STAT4: variants seen among roughly 807,000 people sequenced by gnomAD.
STAT4 encodes signal transducer and activator of transcription 4.
Under a neutral mutation model 110.5 loss-of-function variants are expected in STAT4, and 42 were observed. The ratio of observed to expected loss-of-function variants is 0.38; its 90% CI spans 0.30 to 0.49. The LOEUF (loss-of-function observed/expected upper bound fraction) is 0.49. Ranked by LOEUF, STAT4 falls within the 20% of genes least tolerant of loss-of-function variation. The pLI, the probability that STAT4 is intolerant of heterozygous loss-of-function variation, is 0.95. For synonymous variants in STAT4, 284 were observed against 302.2 expected (o/e 0.94, Z 0.63); for missense variants, 632 against 887.9 (o/e 0.71, Z 3.66).
chr2:191,092,513 TA>T (rs71030322), intron 3 of STAT4, among the ~76,000 whole-genome samples: 16,857 of 142,600 alleles, frequency 0.12, 1,023 homozygotes, highest in African/African-American at 0.19. Flanking sequence ...GTGCTACAGT[TA>T]AAAAAAAAAA....
In STAT4 at chr2:191,033,233, T is replaced by C. The variant is rs1410915138; in HGVS notation, c.1853-84A>G. On this transcript the variant is annotated intron_variant, in intron 20 of 23. Transcript: ENST00000392320. This position sits in a 1 kb window ranked among gnomAD's most constrained non-coding sequence, Gnocchi z 6.9. ...TTCTTCCCTGCCCACATTATCTTCATGCCACTGGAGTGACTTGTCAGTTCA... is the reference window on the plus strand; with the variant it reads ...TTCTTCCCTGCCCACATTATCTTCACGCCACTGGAGTGACTTGTCAGTTCA... The C allele has an allele frequency of 7.1e-7, 1 of 1,400,228 alleles. No individual in the cohort carries two copies. The highest frequency in any genetic ancestry group is 9.8e-7 in the Non-Finnish European group (1 of 1,023,714). The allele number at this position is 1,400,228 out of a possible 1,614,324, so 86.7% of individuals were successfully genotyped here.
intron 3 of STAT4, among the ~76,000 whole-genome samples, chr2:191,134,009 C>T (rs551491905): frequency 2.1e-4 from 32 of 152,312 alleles, no homozygotes; most frequent in East Asian, 9.7e-4. Context: ...AAGAAGGCCA[C>T]GGCCTATATG....
In STAT4 at chr2:191,142,043, T is replaced by C. The variant is rs1488317962; in HGVS notation, c.273+4570A>G. ...CTCAAAAAACTAAAAATATAACTACTATAGGCTCCAGCAATCCCACTACTA... is the reference window on the plus strand; with the variant it reads ...CTCAAAAAACTAAAAATATAACTACCATAGGCTCCAGCAATCCCACTACTA... On this transcript the variant is annotated intron_variant, in intron 3 of 23. Coordinates refer to ENST00000392320, the MANE Select transcript of STAT4 (RefSeq NM_003151.4). The surrounding 1 kb of genome is among the most constrained non-coding windows in gnomAD (Gnocchi z 4.1). Among the ~76,000 whole-genome samples, 1 of 152,006 alleles carries C rather than the reference T, an allele frequency of 6.6e-6. No individual in the cohort carries two copies. The highest frequency in any genetic ancestry group is 1.5e-5 in the Non-Finnish European group (1 of 67,986).
Position 191,051,690 on chromosome 2 carries a change from G to A in STAT4, c.1251+2800C>T, listed in dbSNP as rs1696527656. Among the ~76,000 whole-genome samples the A allele has an allele frequency of 2.6e-5, 4 of 152,228 alleles. No homozygotes were observed. The South Asian group carries it at 8.3e-4, about 32-fold the overall frequency. ...CACTCTGTGAGATAGATGGGGTGAG[G>A]TGACGGGGCAGTAGGAGTGCCAACC... On this transcript the variant is annotated intron_variant, in intron 14 of 23. Coordinates refer to ENST00000392320, the MANE Select transcript of STAT4 (RefSeq NM_003151.4). This position sits in a 1 kb window ranked among gnomAD's most constrained non-coding sequence, Gnocchi z 5.6.
At position 191,104,033 on chromosome 2, in the gene STAT4, G is replaced by T. The variant is rs1698212433; in HGVS notation, c.274-27708C>A. On this transcript the variant is annotated intron_variant, in intron 3 of 23. Coordinates refer to ENST00000392320, the MANE Select transcript of STAT4 (RefSeq NM_003151.4). This position sits in a 1 kb window ranked among gnomAD's most constrained non-coding sequence, Gnocchi z 4.3. ...GAGTAATAGGTTGCTAAGTGTTCTA[G>T]GTATCAAGGCCTTTGTGATAGCTTT... 6.6e-6 allele frequency among the ~76,000 whole-genome samples: 1 copy of T among 152,018 alleles called. No homozygotes were observed. The highest frequency in any genetic ancestry group is 2.4e-5 in the African/African-American group (1 of 41,390).
At chr2:191,095,646 T>C (rs1574150434) in intron 3 of STAT4, among the ~76,000 whole-genome samples, 1 of 152,110 alleles carries the variant, frequency 6.6e-6, no homozygotes, top group East Asian at 1.9e-4. Context: ...CACTAAATGC[T>C]CACAAGATAA....
intron 14 of STAT4, among the ~76,000 whole-genome samples, chr2:191,047,788 C>T (rs1274978361): frequency 1.3e-5 from 2 of 152,208 alleles, no homozygotes; most frequent in Non-Finnish European, 2.9e-5. Context: ...GCCTCAGCCT[C>T]CTGAGTAGCT....
In STAT4 at chr2:191,030,847, T is replaced by C. The variant is rs1574689117; in HGVS notation, c.2220+125A>G. 1 of 832,736 alleles carries C rather than the reference T, an allele frequency of 1.2e-6. No homozygotes were observed. The highest frequency in any genetic ancestry group is 1.6e-5 in the South Asian group (1 of 63,548). 51.6% of individuals were successfully genotyped at this position (832,736 alleles called of 1,614,324 possible). A position where few individuals can be genotyped will look rare whatever the true frequency, so the allele number is the denominator to read the frequency against. On this transcript the variant is annotated intron_variant, in intron 23 of 23. Transcript: ENST00000392320. The surrounding 1 kb of genome is among the most constrained non-coding windows in gnomAD (Gnocchi z 4.4). ...CCAGACACCTTTTGTGTTATGCTCA[T>C]GAATTTGTTCCAATAAATGTGTTTT...
At chr2:191,070,647 A>G (rs1382496636) in intron 5 of STAT4, among the ~76,000 whole-genome samples, 2 of 152,220 alleles carry the variant, frequency 1.3e-5, no homozygotes, top group African/African-American at 2.4e-5. Flanking sequence ...CTCTAAGGAA[A>G]CATATATCTA....
rs1695895971 is a variant in STAT4, at chr2:191,031,584, A to G, written c.2045-68T>C. 1.5e-6 allele frequency: 2 copies of G among 1,297,334 alleles called. No homozygotes were observed. The highest frequency in any genetic ancestry group is 1.3e-5 in the South Asian group (1 of 79,168). 80.4% of individuals were successfully genotyped at this position (1,297,334 alleles called of 1,614,324 possible). On this transcript the variant is annotated intron_variant, in intron 21 of 23. Coordinates refer to ENST00000392320, the MANE Select transcript of STAT4 (RefSeq NM_003151.4). The surrounding 1 kb of genome is among the most constrained non-coding windows in gnomAD (Gnocchi z 4.8). Reference sequence around the variant, plus strand: ...TATTATCAATAAAACTGGGGAAAAAAGAGTCTAGAAAAATATTAACAATGA... The same window carrying G: ...TATTATCAATAAAACTGGGGAAAAAGGAGTCTAGAAAAATATTAACAATGA...
At position 191,146,783 on chromosome 2, in the gene STAT4, A is replaced by G; in HGVS notation, c.129-26T>C. 4 of 1,483,042 alleles carry G rather than the reference A, an allele frequency of 2.7e-6. No homozygotes were observed. Among genetic ancestry groups the G allele is most frequent in the Non-Finnish European group, 2.7e-6 (3 of 1,115,246 alleles). The allele number at this position is 1,483,042 out of a possible 1,614,324, so 91.9% of individuals were successfully genotyped here. A position where few individuals can be genotyped will look rare whatever the true frequency, so the allele number is the denominator to read the frequency against. ...CTAAAAAAAAAAAGGATTATTACAC[A>G]ACAGAAAACAACTTTGTAAAATGTC... On this transcript the variant is annotated intron_variant, in intron 2 of 23. Coordinates refer to ENST00000392320, the MANE Select transcript of STAT4 (RefSeq NM_003151.4). This position sits in a 1 kb window ranked among gnomAD's most constrained non-coding sequence, Gnocchi z 4.5.
intron 3 of STAT4, among the ~76,000 whole-genome samples, chr2:191,114,398 C>G (rs1698517806): frequency 6.6e-6 from 1 of 152,094 alleles, no homozygotes; most frequent in East Asian, 1.9e-4. Flanking sequence ...TAAATGGATA[C>G]TGTGGTACAT....
At chr2:191,100,277 C>T (rs1180945845) in intron 3 of STAT4, among the ~76,000 whole-genome samples, 3 of 152,024 alleles carry the variant, frequency 2.0e-5, no homozygotes, top group African/African-American at 7.2e-5. Flanking sequence ...GTATTAATAC[C>T]GTCCAACTAC....
In STAT4 at chr2:191,043,739, C is replaced by T. The variant is rs1402358246; in HGVS notation, c.1252-2591G>A. Among the ~76,000 whole-genome samples, 1 of 151,834 alleles carries T rather than the reference C, an allele frequency of 6.6e-6. No individual in the cohort carries two copies. The highest frequency in any genetic ancestry group is 1.5e-5 in the Non-Finnish European group (1 of 67,972). On this transcript the variant is annotated intron_variant, in intron 14 of 23. Transcript: ENST00000392320. The surrounding 1 kb of genome is among the most constrained non-coding windows in gnomAD (Gnocchi z 4.8). ...AGCTATACTGTGTATATTTATAGAG[C>T]AAAAAACTATACAGCGTTGGAATAA... is the stretch of plus-strand genomic sequence containing the variant.
Position 191,042,937 on chromosome 2 carries a change from G to T in STAT4, c.1252-1789C>A, listed in dbSNP as rs1696249391. Among the ~76,000 whole-genome samples, 1 of 152,046 alleles carries T rather than the reference G, an allele frequency of 6.6e-6. No individual in the cohort carries two copies. Among genetic ancestry groups the T allele is most frequent in the Non-Finnish European group, 1.5e-5 (1 of 68,016 alleles). On this transcript the variant is annotated intron_variant, in intron 14 of 23. Coordinates refer to ENST00000392320, the MANE Select transcript of STAT4 (RefSeq NM_003151.4). The surrounding 1 kb of genome is among the most constrained non-coding windows in gnomAD (Gnocchi z 4.2). ...TGGGATTACAGGCATGCGCCACCAT[G>T]CCTGGCTAATTTTGTATTTTTAGTA...
Position 191,058,706 on chromosome 2 carries a change from T to C in STAT4, c.1094+4A>G, listed in dbSNP as rs1696770504. 6.4e-7 allele frequency: 1 copy of C among 1,573,122 alleles called. No homozygotes were observed. The highest frequency in any genetic ancestry group is 8.6e-7 in the Non-Finnish European group (1 of 1,156,364). On this transcript the variant is annotated splice_donor_region_variant and intron_variant, in intron 11 of 23. Transcript: ENST00000392320. This position sits in a 1 kb window ranked among gnomAD's most constrained non-coding sequence, Gnocchi z 4.3. The stretch of plus-strand genomic sequence containing the variant: ...GTAATTCAAAACGAAATTAGAAAAC[T>C]TACTTGTCAATTGATGCCTTAACCT...
intron 4 of STAT4, among the ~76,000 whole-genome samples, chr2:191,075,428 A>G (rs1291888349): frequency 6.6e-6 from 1 of 152,228 alleles, no homozygotes; most frequent in African/African-American, 2.4e-5. Context: ...ACAAGCAAGT[A>G]TTCATGGAAC....
chr2:191,128,200 G>A (rs914280896), intron 3 of STAT4, among the ~76,000 whole-genome samples: 5 of 152,220 alleles, frequency 3.3e-5, no homozygotes, highest in Non-Finnish European at 7.3e-5. Flanking sequence ...AATAACTGTG[G>A]AGTGCTTGAC....
chr2:191,106,738 T>C (rs1052875017), intron 3 of STAT4, among the ~76,000 whole-genome samples: 1 of 149,856 alleles, frequency 6.7e-6, no homozygotes. Context: ...TGGGGAAAAA[T>C]GTGCATGAGT....
Sources: allele counts gnomAD v4.1 joint callset (sites outside exome capture counted in the v4.1 genomes callset), GRCh38; gene constraint gnomAD v4.1.1; non-coding constraint Gnocchi (gnomAD v3.1); transcripts MANE v1.5; gene names NCBI Gene and HGNC (gene_info 2026-07-23, HGNC 2026-07-21).